MAD1L1: variants seen among roughly 807,000 people sequenced by gnomAD.
The protein encoded by MAD1L1 is mitotic spindle assembly checkpoint protein MAD1.
Under a neutral mutation model 96.9 loss-of-function variants are expected in MAD1L1, and 95 were observed. The ratio of observed to expected loss-of-function variants is 0.98; its 90% CI spans 0.83 to 1.16. The LOEUF (loss-of-function observed/expected upper bound fraction) is 1.16. Ranked by LOEUF, MAD1L1 falls within the 50% of genes most tolerant of loss-of-function variation. The pLI, the probability that MAD1L1 is intolerant of heterozygous loss-of-function variation, is 0.00. For missense variants in MAD1L1, 1,007 were observed against 954.4 expected (o/e 1.06, Z -0.73); for synonymous variants, 473 against 396.6 (o/e 1.19, Z -2.29).
In MAD1L1 at chr7:2,201,661, C is replaced by T. The variant is rs191743651; in HGVS notation, c.986+11551G>A. Among the ~76,000 whole-genome samples, 8 of 152,208 alleles carry T rather than the reference C, an allele frequency of 5.3e-5. No homozygotes were observed. The East Asian group carries it at 5.8e-4, about 11-fold the overall frequency. On this transcript the variant is annotated intron_variant, in intron 10 of 18. Transcript: ENST00000265854. The stretch of plus-strand genomic sequence containing the variant: ...TGGAGAAAAGCCCCAAAAAGAGCTC[C>T]GAGACCAAGTGATAGCGTTTCCACC...
chr7:2,189,120 A>G (rs1470693845), intron 10 of MAD1L1, among the ~76,000 whole-genome samples: 1 of 152,232 alleles, frequency 6.6e-6, no homozygotes, highest in African/African-American at 2.4e-5. Context: ...CAAAGCCAGA[A>G]CAAGACACCA....
At chr7:2,104,849 G>C (rs1421280535) in intron 11 of MAD1L1, among the ~76,000 whole-genome samples, 1 of 152,222 alleles carries the variant, frequency 6.6e-6, no homozygotes, top group African/African-American at 2.4e-5. Context: ...AGCCATGTGG[G>C]CTCAGCCTGC....
At chr7:2,030,419 G>C (rs1783171696) in intron 12 of MAD1L1, among the ~76,000 whole-genome samples, 1 of 152,240 alleles carries the variant, frequency 6.6e-6, no homozygotes, top group South Asian at 2.1e-4. Context: ...CTCGAACAAA[G>C]CACTGACAAA....
rs986794880 is a variant in MAD1L1 at position 1,834,565 on chromosome 7, C to T, written c.1999-18337G>A. Among the ~76,000 whole-genome samples the T allele has an allele frequency of 7.2e-5, 11 of 152,294 alleles. 1 individual carries two copies. In the East Asian group the frequency reaches 1.5e-3, roughly 21 times the overall value. On this transcript the variant is annotated intron_variant, in intron 18 of 18. Coordinates refer to ENST00000265854, the MANE Select transcript of MAD1L1 (RefSeq NM_001013836.2). ...CTTCTGAAGATACAAACTACTAAAG[C>T]TCACCACAAAAGAAAAAGACAATGT...
rs185680850 is a variant in MAD1L1 at position 2,232,926 on chromosome 7, C to T, written c.-244G>A. ...CCGCTCGGATCTCCCTCCGCTCCGC[C>T]GGCGCCCATTTATCGCGACACTTGC... On this transcript the variant is annotated 5_prime_UTR_variant, in exon 1 of 19. Coordinates refer to ENST00000265854, the MANE Select transcript of MAD1L1 (RefSeq NM_001013836.2). 724 of 152,384 alleles carry T rather than the reference C, an allele frequency of 4.8e-3. 3 individuals are homozygous for T. Among genetic ancestry groups the T allele is most frequent in the African/African-American group, 0.012 (505 of 41,584 alleles). 9.4% of individuals were successfully genotyped at this position (152,384 alleles called of 1,614,324 possible).
At chr7:1,903,194 G>C (rs560363628) in intron 17 of MAD1L1, among the ~76,000 whole-genome samples, 6 of 151,538 alleles carry the variant, frequency 4.0e-5, no homozygotes, top group African/African-American at 1.5e-4. Context: ...GCCTATTGAA[G>C]ACGCTCCTGC....
At chr7:2,172,752 C>T (rs1790766698) in intron 10 of MAD1L1, among the ~76,000 whole-genome samples, 1 of 152,228 alleles carries the variant, frequency 6.6e-6, no homozygotes, top group Admixed American at 6.5e-5. Context: ...AGCTGAGAAC[C>T]CACGTGGCTG....
intron 10 of MAD1L1, among the ~76,000 whole-genome samples, chr7:2,210,872 C>T (rs968965890): frequency 2.4e-4 from 35 of 144,884 alleles, no homozygotes; most frequent in African/African-American, 8.4e-4. Context: ...AGAGGACGCT[C>T]GCACCAGCCC....
chr7:1,953,764 C>G (rs73047969), intron 16 of MAD1L1, among the ~76,000 whole-genome samples: 5,183 of 152,346 alleles, frequency 0.034, 190 homozygotes, highest in Admixed American at 0.097. Context: ...TTTAAATGTT[C>G]ATCATCAAAT....
Position 1,819,752 on chromosome 7 carries a change from G to A in MAD1L1, c.1999-3524C>T, listed in dbSNP as rs547342578. On this transcript the variant is annotated intron_variant, in intron 18 of 18. Coordinates refer to ENST00000265854, the MANE Select transcript of MAD1L1 (RefSeq NM_001013836.2). The stretch of plus-strand genomic sequence containing the variant: ...AAAGGGCTTGGAGAGCAGAGACAGC[G>A]CACACCACCAACTCTCTCCACACAC... Among the ~76,000 whole-genome samples, 34 of 152,204 alleles carry A rather than the reference G, an allele frequency of 2.2e-4. 1 individual carries two copies. The South Asian group carries it at 5.6e-3, about 25-fold the overall frequency.
intron 14 of MAD1L1, among the ~76,000 whole-genome samples, chr7:1,996,698 G>C (rs1781576489): frequency 6.6e-6 from 1 of 152,246 alleles, no homozygotes. Context: ...ACTTGGCACA[G>C]GGTGCCCCTG....
intron 11 of MAD1L1, among the ~76,000 whole-genome samples, chr7:2,120,401 G>A (rs1418303774): frequency 6.6e-6 from 1 of 152,252 alleles, no homozygotes; most frequent in Non-Finnish European, 1.5e-5. Context: ...TTCTGAGAAA[G>A]CCTAGGACTG....
intron 13 of MAD1L1, among the ~76,000 whole-genome samples, chr7:2,006,503 T>C (rs1160946152): frequency 6.6e-6 from 1 of 151,632 alleles, no homozygotes. Context: ...AGAACACAGC[T>C]AAAGTAAGAA....
rs1028841468 is a variant in MAD1L1, at chr7:2,103,758, T to C, written c.1074-34420A>G. On this transcript the variant is annotated intron_variant, in intron 11 of 18. Transcript: ENST00000265854. The surrounding 1 kb of genome is among the most constrained non-coding windows in gnomAD (Gnocchi z 4.3). Reference sequence around the variant, plus strand: ...CTGCCCAGATCCCAGCAGTGTGGCATAAGCAGACCCCCTGAACCACTGTGC... The same window carrying C: ...CTGCCCAGATCCCAGCAGTGTGGCACAAGCAGACCCCCTGAACCACTGTGC... 1.3e-5 allele frequency among the ~76,000 whole-genome samples: 2 copies of C among 152,160 alleles called. No homozygotes were observed. The highest frequency in any genetic ancestry group is 2.9e-5 in the Non-Finnish European group (2 of 68,020).
chr7:1,822,438 ATATATT>A (rs1782174203), intron 18 of MAD1L1, among the ~76,000 whole-genome samples: 1 of 90,468 alleles, frequency 1.1e-5, no homozygotes, highest in Admixed American at 1.0e-4. Flanking sequence ...GCATATATAT[ATATATT>A]TTTTTTTTTT....
chr7:2,086,869 T>C (rs904368497), intron 11 of MAD1L1, among the ~76,000 whole-genome samples: 6 of 152,224 alleles, frequency 3.9e-5, no homozygotes, highest in African/African-American at 1.4e-4. Flanking sequence ...TGCTGTTATC[T>C]TCTGCGACTA....
At chr7:2,101,969 TGCCATGGGTGGGAGTGGGCAGATCACACA>T (rs1786801533) in intron 11 of MAD1L1, among the ~76,000 whole-genome samples, 1 of 152,140 alleles carries the variant, frequency 6.6e-6, no homozygotes, top group South Asian at 2.1e-4. Flanking sequence ...GGTCTGAATC[TGCCATGGGTGGGAGTGGGCAGATCACACA>T]GCCTCGCTGA....
At chr7:2,113,947 C>T (rs1449318761) in intron 11 of MAD1L1, among the ~76,000 whole-genome samples, 1 of 152,190 alleles carries the variant, frequency 6.6e-6, no homozygotes, top group African/African-American at 2.4e-5. Context: ...GAGTGCAGGG[C>T]AGGACAGGGC....
At chr7:2,183,212 C>CAA (rs1020370883) in intron 10 of MAD1L1, among the ~76,000 whole-genome samples, 9 of 101,690 alleles carry the variant, frequency 8.9e-5, no homozygotes, top group Non-Finnish European at 1.7e-4. Flanking sequence ...GACTCTGCCT[C>CAA]AAAAAAAAAA....
Sources: allele counts gnomAD v4.1 joint callset (sites outside exome capture counted in the v4.1 genomes callset), GRCh38; gene constraint gnomAD v4.1.1; non-coding constraint Gnocchi (gnomAD v3.1); transcripts MANE v1.5; gene names NCBI Gene and HGNC (gene_info 2026-07-23, HGNC 2026-07-21).